The following ADAM28 variants were observed in gnomAD, a reference collection of about 807,000 sequenced individuals.
ADAM28 encodes disintegrin and metalloproteinase domain-containing protein 28.
A neutral mutation model predicts 101.2 loss-of-function variants in ADAM28; 105 were observed. The observed-to-expected ratio is 1.04, with a 90% CI of 0.89 to 1.22. The LOEUF (loss-of-function observed/expected upper bound fraction) is 1.22, where lower values mean the gene tolerates loss of function less well. Ranked by LOEUF, ADAM28 falls within the 50% of genes most tolerant of loss-of-function variation. The pLI, the probability that ADAM28 is intolerant of heterozygous loss-of-function variation, is 0.00. For synonymous variants in ADAM28, 322 were observed against 310.6 expected (o/e 1.04, Z -0.39); for missense variants, 1,028 against 945.4 (o/e 1.09, Z -1.15).
chr8:24,336,756 C>T (rs543146604), intron 14 of ADAM28, among the ~76,000 whole-genome samples: 45 of 151,056 alleles, frequency 3.0e-4, no homozygotes, highest in African/African-American at 1.0e-3. Flanking sequence ...AGATGTTGGT[C>T]AGAGGATACA....
chr8:24,307,943 A>G (rs1809918932), intron 2 of ADAM28, among the ~76,000 whole-genome samples: 1 of 152,214 alleles, frequency 6.6e-6, no homozygotes, highest in Non-Finnish European at 1.5e-5. Flanking sequence ...ACTAGAATTA[A>G]GAACCTCTCT....
In ADAM28 at chr8:24,353,785, G is replaced by A. The variant is rs549973313; in HGVS notation, c.2260G>A (p.Ala754Thr). The A allele has an allele frequency of 2.7e-4, 414 of 1,517,692 alleles. 7 individuals carry two copies. The South Asian group carries it at 3.6e-3, about 13-fold the overall frequency. The allele number at this position is 1,517,692 out of a possible 1,614,324, so 94.0% of individuals were successfully genotyped here. A position where few individuals can be genotyped will look rare whatever the true frequency, so the allele number is the denominator to read the frequency against. Residue 754 changes from alanine (A) to threonine (T), a missense_variant, in exon 22 of 23, where the codon GCA (alanine) becomes ACA (threonine). Ala to Thr is a moderately conservative substitution (Grantham distance 58, BLOSUM62 0). Transcript: ENST00000265769. ...ATTAACGTAGCATAAAGACACAAAC[G>A]CACTTCCCCCTACTGTTTTCAAGGA... ...PPASFHKDTN[A>T]LPPTVFKDNP...
intron 2 of ADAM28, among the ~76,000 whole-genome samples, chr8:24,308,418 T>C (rs1809995456): frequency 6.6e-6 from 1 of 152,170 alleles, no homozygotes; most frequent in African/African-American, 2.4e-5. Context: ...CAAAAGCATT[T>C]ATTCTTTTCT....
intron 16 of ADAM28, among the ~76,000 whole-genome samples, chr8:24,342,500 T>C (rs991541799): frequency 6.6e-6 from 1 of 152,200 alleles, no homozygotes; most frequent in African/African-American, 2.4e-5. Context: ...AATCTGCTGA[T>C]TTGACATTAA....
chr8:24,310,545 A>ATT (rs59833433), intron 4 of ADAM28, among the ~76,000 whole-genome samples: 20,133 of 152,054 alleles, frequency 0.13, 1,585 homozygotes, highest in East Asian at 0.34. Context: ...TTCTCAATCA[A>ATT]TTTCTATCAT....
At chr8:24,325,741 T>C (rs1407175512) in intron 9 of ADAM28, among the ~76,000 whole-genome samples, 5 of 151,424 alleles carry the variant, frequency 3.3e-5, no homozygotes, top group African/African-American at 1.2e-4. Context: ...ACTCTCTATT[T>C]TTAGTATTGT....
At position 24,339,576 on chromosome 8, in the gene ADAM28, G is replaced by T. The variant is rs1156795822; in HGVS notation, c.1670+8G>T. The T allele has an allele frequency of 6.2e-7, 1 of 1,607,412 alleles. No homozygotes were observed. The highest frequency in any genetic ancestry group is 1.3e-5 in the African/African-American group (1 of 74,826). On this transcript the variant is annotated splice_region_variant and intron_variant, in intron 15 of 22. Transcript: ENST00000265769. Reference sequence around the variant, plus strand: ...CATTCCCTGCAAAGCAAAGTAAGTGGCCTTGTCTGAACCTTCCTGCTTCAC... The same window carrying T: ...CATTCCCTGCAAAGCAAAGTAAGTGTCCTTGTCTGAACCTTCCTGCTTCAC...
At chr8:24,348,611 G>T (rs1585740187) in intron 18 of ADAM28, among the ~76,000 whole-genome samples, 1 of 152,026 alleles carries the variant, frequency 6.6e-6, no homozygotes, top group East Asian at 1.9e-4. Context: ...TTGTTTGCTT[G>T]TTTGCAAAAA....
intron 16 of ADAM28, among the ~76,000 whole-genome samples, chr8:24,342,174 A>C (rs1229442453): frequency 1.3e-5 from 2 of 152,144 alleles, no homozygotes; most frequent in Non-Finnish European, 2.9e-5. Flanking sequence ...TAATGAACTT[A>C]AATACGAGTA....
At chr8:24,319,230 C>T (rs1423971238) in intron 6 of ADAM28, among the ~76,000 whole-genome samples, 7 of 151,884 alleles carry the variant, frequency 4.6e-5, no homozygotes, top group African/African-American at 9.7e-5. Context: ...TTCTCATTTT[C>T]GTTAATACAT....
At chr8:24,332,376 T>C (rs115672132) in intron 12 of ADAM28, among the ~76,000 whole-genome samples, 2,183 of 152,298 alleles carry the variant, frequency 0.014, 49 homozygotes, top group African/African-American at 0.049. Flanking sequence ...AGAACTGTGT[T>C]TTTTCTTCAT....
chr8:24,336,309 T>C (rs1006608396), intron 14 of ADAM28, among the ~76,000 whole-genome samples: 12 of 151,758 alleles, frequency 7.9e-5, no homozygotes, highest in Non-Finnish European at 1.2e-4. Flanking sequence ...TTTGGCCAGG[T>C]GCGGTGGCTC....
intron 4 of ADAM28, 29 bp from the exon 5 acceptor site, chr8:24,311,332 T>C (rs768009583): frequency 1.9e-6 from 3 of 1,581,868 alleles, no homozygotes; most frequent in Non-Finnish European, 2.6e-6. Flanking sequence ...TCACATGTAC[T>C]TCTCTTTACA....
At chr8:24,326,809 T>G (rs10105862) in intron 10 of ADAM28, among the ~76,000 whole-genome samples, 174 bp downstream of exon 10, 5,735 of 152,198 alleles carry the variant, frequency 0.038, 394 homozygotes, top group African/African-American at 0.13. Context: ...ACTCAACATA[T>G]TGATAATGCA....
chr8:24,341,675 TG>T lies in ADAM28; in HGVS notation c.1749del (p.Thr584HisfsTer14), dbSNP rs769210555. Reference protein sequence around the residue: ...LPWKGRIVTFLTCKTFDPEDT... With the variant: ...LPWKGRIVTFXTCKTFDPEDT... Reference sequence around the variant, plus strand: ...TGGAAAGGACGGATAGTGACTTTCCTGACATGTAAAACATTTGATCCTGAAG... The same window carrying T: ...TGGAAAGGACGGATAGTGACTTTCCTACATGTAAAACATTTGATCCTGAAG... On this transcript the variant is annotated frameshift_variant, in exon 16 of 23. Coordinates refer to ENST00000265769, the MANE Select transcript of ADAM28 (RefSeq NM_014265.6). LOFTEE classifies it high-confidence loss of function. 13 of 1,613,850 alleles carry T rather than the reference TG, an allele frequency of 8.1e-6. No individual in the cohort carries two copies. The highest frequency in any genetic ancestry group is 1.0e-5 in the Non-Finnish European group (12 of 1,179,866).
intron 13 of ADAM28, among the ~76,000 whole-genome samples, chr8:24,334,960 A>C (rs974715239): frequency 3.9e-5 from 6 of 152,140 alleles, no homozygotes; most frequent in Non-Finnish European, 7.4e-5. Flanking sequence ...CCTACAATAA[A>C]AGGGATTAAG....
At position 24,327,621 on chromosome 8, in the gene ADAM28, G is replaced by A. The variant is rs142755806; in HGVS notation, c.972+986G>A. 1.4e-3 allele frequency among the ~76,000 whole-genome samples: 210 copies of A among 152,032 alleles called. 3 individuals carry two copies. Among genetic ancestry groups the A allele is most frequent in the African/African-American group, 4.7e-3 (196 of 41,516 alleles). ...AGAACAAAGCTGGAGGCATCACACT[G>A]CCTGACTTCAAACTATACTACAAGG... On this transcript the variant is annotated intron_variant, in intron 10 of 22. Transcript: ENST00000265769.
intron 8 of ADAM28, chr8:24,321,582 A>C: frequency 2.6e-6 from 1 of 390,578 alleles, no homozygotes; most frequent in South Asian, 2.4e-5. Context: ...AATGCTGAAG[A>C]CCAAATCCCA....
At position 24,336,590 on chromosome 8, in the gene ADAM28, AAAAAAAAAAG is replaced by A. The variant is rs1166300721; in HGVS notation, c.1567+965_1567+974del. ...GCCAGACTCCGTCTCCAAAAAAAAAAAAAAAAAAAGAAAAAAAAAGAAAAATAACTTTATT... is the reference window on the plus strand; with the variant it reads ...GCCAGACTCCGTCTCCAAAAAAAAAAAAAAAAAAAGAAAAATAACTTTATT... On this transcript the variant is annotated intron_variant, in intron 14 of 22. Coordinates refer to ENST00000265769, the MANE Select transcript of ADAM28 (RefSeq NM_014265.6). Among the ~76,000 whole-genome samples, 1,147 of 138,992 alleles carry A rather than the reference AAAAAAAAAAG, an allele frequency of 8.3e-3. 7 individuals carry two copies. Among genetic ancestry groups the A allele is most frequent in the African/African-American group, 0.022 (788 of 36,030 alleles). The allele number at this position is 138,992 out of a possible 152,430, so 91.2% of individuals were successfully genotyped here. A position where few individuals can be genotyped will look rare whatever the true frequency, so the allele number is the denominator to read the frequency against.
Sources: allele counts gnomAD v4.1 joint callset (sites outside exome capture counted in the v4.1 genomes callset), GRCh38; gene constraint gnomAD v4.1.1; transcripts MANE v1.5; gene names NCBI Gene and HGNC (gene_info 2026-07-23, HGNC 2026-07-21).